Variants in ERCC6L2 observed in about 807,000 individuals in gnomAD.
ERCC6L2 encodes the protein ERCC excision repair 6 like 2, also known as DNA excision repair protein ERCC-6-like 2.
Under a neutral mutation model 132.0 loss-of-function variants are expected in ERCC6L2, and 77 were observed. The observed-to-expected ratio is 0.58, with a 90% CI of 0.49 to 0.71. The LOEUF (loss-of-function observed/expected upper bound fraction) is 0.71, where lower values mean the gene tolerates loss of function less well. Among genes scored for constraint, ERCC6L2 ranks in the 30% least tolerant of loss-of-function variants. The pLI is 0.00. For missense variants in ERCC6L2, 1,542 were observed against 1,837.6 expected, an observed-to-expected ratio of 0.84 and a Z score of 2.94; for synonymous variants, 583 against 632.4, an observed-to-expected ratio of 0.92 and a Z score of 1.17.
Position 95,952,703 on chromosome 9 carries a change from G to A in ERCC6L2, c.1848-3211G>A, listed in dbSNP as rs145968296. Among the ~76,000 whole-genome samples the A allele has an allele frequency of 3.4e-4, 52 of 152,258 alleles. 1 individual carries two copies. In the East Asian group the frequency reaches 9.5e-3, roughly 28 times the overall value. On this transcript the variant is annotated intron_variant, in intron 12 of 18. Transcript: ENST00000653738. The stretch of plus-strand genomic sequence containing the variant: ...AATATAAAAATTAGCCAGCATGGTG[G>A]TACATGCCTGTAGTTCCAGCTGCTT...
intron 17 of ERCC6L2, among the ~76,000 whole-genome samples, chr9:96,001,908 A>T (rs640281): frequency 2.0e-5 from 3 of 152,062 alleles, no homozygotes; most frequent in Admixed American, 6.5e-5. Flanking sequence ...GCGTAGCACC[A>T]GTGGGCCAGC....
intron 2 of ERCC6L2, among the ~76,000 whole-genome samples, chr9:95,895,451 T>A (rs1374661441): frequency 6.6e-6 from 1 of 152,182 alleles, no homozygotes; most frequent in Non-Finnish European, 1.5e-5. Flanking sequence ...CTTAGTATTT[T>A]ACTGTTTGAT....
downstream of ERCC6L2, among the ~76,000 whole-genome samples, chr9:96,023,348 T>G (rs1834320560): frequency 6.6e-6 from 1 of 152,072 alleles, no homozygotes; most frequent in Non-Finnish European, 1.5e-5. Context: ...TACCAGTGGT[T>G]TTATTCCTTT....
At chr9:95,940,841 A>G (rs1188762161) in intron 11 of ERCC6L2, among the ~76,000 whole-genome samples, 1 of 151,956 alleles carries the variant, frequency 6.6e-6, no homozygotes, top group African/African-American at 2.4e-5. Context: ...GAGTTCCATC[A>G]GTTGCTGAAT....
At chr9:96,038,396 C>T (rs936264992) in intron 19 of ERCC6L2, among the ~76,000 whole-genome samples, 4 of 152,168 alleles carry the variant, frequency 2.6e-5, no homozygotes, top group Admixed American at 1.3e-4. Context: ...TGTGAGGAAG[C>T]ACATTGCCGC....
chr9:95,964,085 T>A (rs1564267974), intron 13 of ERCC6L2, among the ~76,000 whole-genome samples: 1 of 152,200 alleles, frequency 6.6e-6, no homozygotes, highest in Non-Finnish European at 1.5e-5. Context: ...TCATTCGTGA[T>A]TCCTGCCTGA....
At chr9:95,992,288 A>G (rs1833329851) in intron 17 of ERCC6L2, among the ~76,000 whole-genome samples, 1 of 152,220 alleles carries the variant, frequency 6.6e-6, no homozygotes, top group Admixed American at 6.5e-5. Flanking sequence ...TTCAGTAGAT[A>G]TAACCCACAC....
In ERCC6L2 at chr9:96,017,070, G is replaced by T. The variant is rs1464807849; in HGVS notation, c.*3867G>T. Among the ~76,000 whole-genome samples the T allele has an allele frequency of 6.6e-6, 1 of 152,130 alleles. No individual in the cohort carries two copies. Among genetic ancestry groups the T allele is most frequent in the Non-Finnish European group, 1.5e-5 (1 of 68,032 alleles). The stretch of plus-strand genomic sequence containing the variant: ...GAGCAAGAGTGCCCATCACTTTCTA[G>T]GCTCCTTGCCTGCTGCTCATTCCAT... On this transcript the variant is annotated 3_prime_UTR_variant, in exon 19 of 19. Coordinates refer to ENST00000653738, the MANE Select transcript of ERCC6L2 (RefSeq NM_020207.7).
At chr9:95,885,097 G>T (rs750088003) in intron 2 of ERCC6L2, among the ~76,000 whole-genome samples, 98 of 152,112 alleles carry the variant, frequency 6.4e-4, no homozygotes, top group Admixed American at 8.5e-4. Context: ...TATCTTATAA[G>T]CAGGTTGCAG....
intron 17 of ERCC6L2, among the ~76,000 whole-genome samples, chr9:95,991,330 CTT>C (rs1273870011): frequency 6.6e-6 from 1 of 152,116 alleles, no homozygotes; most frequent in East Asian, 1.9e-4. Flanking sequence ...TTACGAATAT[CTT>C]TGAGGAAGCA....
At chr9:95,911,137 C>T (rs1829321249) in intron 4 of ERCC6L2, among the ~76,000 whole-genome samples, 1 of 152,182 alleles carries the variant, frequency 6.6e-6, no homozygotes, top group East Asian at 1.9e-4. Flanking sequence ...TCAAGTGATC[C>T]TCCCACCTCG....
chr9:95,948,937 A>T (rs1587959524), intron 12 of ERCC6L2, among the ~76,000 whole-genome samples: 1 of 152,312 alleles, frequency 6.6e-6, no homozygotes, highest in Non-Finnish European at 1.5e-5. Flanking sequence ...CAAGTGTCTT[A>T]AATACTCCAA....
At chr9:95,948,641 A>G (rs1177974629) in intron 12 of ERCC6L2, among the ~76,000 whole-genome samples, 4 of 152,094 alleles carry the variant, frequency 2.6e-5, no homozygotes, top group Non-Finnish European at 4.4e-5. Context: ...AAATGACCTG[A>G]GAAGACTTTT....
intron 2 of ERCC6L2, among the ~76,000 whole-genome samples, chr9:95,889,452 T>C (rs1212895451): frequency 1.3e-5 from 2 of 151,958 alleles, no homozygotes; most frequent in African/African-American, 2.4e-5. Flanking sequence ...TTAAAAAGAG[T>C]ATATCTGTCA....
intron 17 of ERCC6L2, among the ~76,000 whole-genome samples, chr9:96,002,287 G>A (rs1473072024): frequency 6.6e-6 from 1 of 152,162 alleles, no homozygotes; most frequent in Admixed American, 6.5e-5. Flanking sequence ...CCTCTCAATA[G>A]TTTAACTGGG....
intron 18 of ERCC6L2, among the ~76,000 whole-genome samples, chr9:96,009,833 G>A (rs540194211): frequency 1.5e-4 from 23 of 152,320 alleles, no homozygotes; most frequent in African/African-American, 5.3e-4. Flanking sequence ...GATAAAATGA[G>A]GTTAGAAGCA....
chr9:96,038,625 G>A (rs1834545781), intron 19 of ERCC6L2, among the ~76,000 whole-genome samples: 1 of 152,244 alleles, frequency 6.6e-6, no homozygotes, highest in East Asian at 1.9e-4. Context: ...TGGTGACTTT[G>A]TTCGAGTGAA....
At chr9:95,897,184 T>C (rs1828510049) in intron 2 of ERCC6L2, among the ~76,000 whole-genome samples, 2 of 152,308 alleles carry the variant, frequency 1.3e-5, no homozygotes, top group South Asian at 2.1e-4. Flanking sequence ...TTTACAGATA[T>C]TATTCAGAGA....
chr9:96,031,756 C>T (rs1240782103), intron 19 of ERCC6L2, among the ~76,000 whole-genome samples: 1 of 152,176 alleles, frequency 6.6e-6, no homozygotes, highest in African/African-American at 2.4e-5. Flanking sequence ...CCTGGGGACC[C>T]ACTGCCTAGT....
Sources: allele counts gnomAD v4.1 joint callset (sites outside exome capture counted in the v4.1 genomes callset), GRCh38; gene constraint gnomAD v4.1.1; transcripts MANE v1.5; gene names NCBI Gene and HGNC (gene_info 2026-07-23, HGNC 2026-07-21).